SORCS3: variants seen among roughly 807,000 people sequenced by gnomAD.
SORCS3 encodes the protein sortilin related VPS10 domain containing receptor 3.
Under a neutral mutation model 146.3 loss-of-function variants are expected in SORCS3, and 57 were observed. The observed-to-expected ratio is 0.39, with a 90% confidence interval of 0.31 to 0.49. The LOEUF (loss-of-function observed/expected upper bound fraction) is 0.49. SORCS3 is among the 20% of genes least tolerant of loss of function. The pLI is 0.92. For synonymous variants in SORCS3, 653 were observed against 618.5 expected (o/e 1.06, Z -0.83); for missense variants, 1,341 against 1,575.5 (o/e 0.85, Z 2.52).
chr10:104,824,714 C>T (rs1564692029), intron 1 of SORCS3, among the ~76,000 whole-genome samples: 1 of 152,218 alleles, frequency 6.6e-6, no homozygotes, highest in Non-Finnish European at 1.5e-5. Context: ...CCTTTGCCCT[C>T]ATCCGAAGCA....
At chr10:104,828,296 A>G (rs1300875456) in intron 1 of SORCS3, among the ~76,000 whole-genome samples, 1 of 152,128 alleles carries the variant, frequency 6.6e-6, no homozygotes, top group Admixed American at 6.6e-5. Flanking sequence ...CTTAGAGGCC[A>G]TTGTAGGGTT....
chr10:105,007,639 T>G (rs1014244336), intron 4 of SORCS3, among the ~76,000 whole-genome samples: 1 of 152,070 alleles, frequency 6.6e-6, no homozygotes, highest in Non-Finnish European at 1.5e-5. Context: ...GACCGTTTTT[T>G]CTGAACCCCC....
At chr10:104,923,809 A>G (rs2019111417) in intron 3 of SORCS3, among the ~76,000 whole-genome samples, 1 of 152,214 alleles carries the variant, frequency 6.6e-6, no homozygotes, top group Admixed American at 6.5e-5. Flanking sequence ...GTTAAGGAGC[A>G]AAGAAGTCTC....
intron 3 of SORCS3, among the ~76,000 whole-genome samples, chr10:104,940,167 G>T (rs1185070263): frequency 7.4e-6 from 1 of 134,596 alleles, no homozygotes; most frequent in Non-Finnish European, 1.6e-5. Flanking sequence ...AAAGGGGCAG[G>T]AAATTTCCAG....
intron 7 of SORCS3, among the ~76,000 whole-genome samples, chr10:105,123,753 A>T (rs1212097663): frequency 6.6e-6 from 1 of 152,118 alleles, no homozygotes; most frequent in Non-Finnish European, 1.5e-5. Context: ...AATAGGAGGG[A>T]GGGCACTTCA....
At chr10:104,706,890 C>T (rs770876385) in intron 1 of SORCS3, among the ~76,000 whole-genome samples, 6 of 152,028 alleles carry the variant, frequency 3.9e-5, no homozygotes, top group Non-Finnish European at 7.4e-5. Flanking sequence ...TTCTTTTAAA[C>T]GTAAGTGTGG....
At chr10:105,044,517 G>A (rs1008651000) in intron 5 of SORCS3, among the ~76,000 whole-genome samples, 3 of 152,068 alleles carry the variant, frequency 2.0e-5, no homozygotes, top group Admixed American at 6.6e-5. Context: ...ACACAACTTA[G>A]GGATGTGCTG....
At chr10:105,132,316 GTAA>G (rs1214992890) in intron 7 of SORCS3, among the ~76,000 whole-genome samples, 1 of 152,072 alleles carries the variant, frequency 6.6e-6, no homozygotes, top group Non-Finnish European at 1.5e-5. Context: ...AATAATGATA[GTAA>G]TAATAATTAT....
At chr10:104,915,554 A>C (rs1320532043) in intron 2 of SORCS3, among the ~76,000 whole-genome samples, 2 of 152,174 alleles carry the variant, frequency 1.3e-5, no homozygotes, top group Admixed American at 6.5e-5. Context: ...CATGAGAGTC[A>C]GGCCGTCTCC....
At chr10:105,015,671 T>C (rs1257637055) in intron 4 of SORCS3, among the ~76,000 whole-genome samples, 1 of 152,106 alleles carries the variant, frequency 6.6e-6, no homozygotes, top group Non-Finnish European at 1.5e-5. Flanking sequence ...TACTCACCTT[T>C]TGGGTTCAGG....
chr10:105,128,366 C>T (rs1031210632), intron 7 of SORCS3, among the ~76,000 whole-genome samples: 7 of 152,124 alleles, frequency 4.6e-5, no homozygotes, highest in Admixed American at 1.3e-4. Context: ...ACTCATGAGA[C>T]ATGCAAATCC....
rs200475238 is a variant in SORCS3 at position 104,883,985 on chromosome 10, GA to G, written c.696-31845del. Among the ~76,000 whole-genome samples the G allele has an allele frequency of 7.3e-5, 11 of 150,718 alleles. No homozygotes were observed. The South Asian group carries it at 1.0e-3, about 14-fold the overall frequency. ...TGTTCTGCTGTGGAATGAGGGGGGG[GA>G]AAGGGTCCTACCCTATCTGTTGAGA... On this transcript the variant is annotated intron_variant, in intron 2 of 26. Transcript: ENST00000369701.
intron 1 of SORCS3, among the ~76,000 whole-genome samples, chr10:104,663,278 A>C (rs2015725806): frequency 6.6e-6 from 1 of 152,204 alleles, no homozygotes; most frequent in African/African-American, 2.4e-5. Flanking sequence ...ACTGCTGTCT[A>C]TCGCCTTTCA....
At chr10:104,993,526 A>G (rs755505715) in intron 4 of SORCS3, among the ~76,000 whole-genome samples, 4 of 152,204 alleles carry the variant, frequency 2.6e-5, no homozygotes, top group Non-Finnish European at 4.4e-5. Context: ...AAGATACGTT[A>G]GCTTTTATTT....
intron 4 of SORCS3, among the ~76,000 whole-genome samples, chr10:104,978,453 C>T (rs2054914702): frequency 6.6e-6 from 1 of 152,216 alleles, no homozygotes; most frequent in East Asian, 1.9e-4. Context: ...AACCTCTCAA[C>T]TCAATGTATT....
At position 105,004,056 on chromosome 10, in the gene SORCS3, G is replaced by T. The variant is rs577448658; in HGVS notation, c.954+26563G>T. 3.9e-4 allele frequency among the ~76,000 whole-genome samples: 56 copies of T among 142,672 alleles called. 1 individual carries two copies. Among genetic ancestry groups the T allele is most frequent in the African/African-American group, 1.5e-3 (55 of 36,976 alleles). The allele number at this position is 142,672 out of a possible 152,430, so 93.6% of individuals were successfully genotyped here. ...GATGATTTCAGGGCAGTTATGGGAA[G>T]TTTCTCAGGTGTGATAAAAGTTCTC... On this transcript the variant is annotated intron_variant, in intron 4 of 26. Coordinates refer to ENST00000369701, the MANE Select transcript of SORCS3 (RefSeq NM_014978.3).
At chr10:104,884,794 G>A (rs1357417954) in intron 2 of SORCS3, among the ~76,000 whole-genome samples, 1 of 151,476 alleles carries the variant, frequency 6.6e-6, no homozygotes, top group African/African-American at 2.4e-5. Flanking sequence ...AGAAAAGCAG[G>A]TACCCATCAG....
At chr10:104,746,390 C>T (rs7097609) in intron 1 of SORCS3, among the ~76,000 whole-genome samples, 7 of 152,184 alleles carry the variant, frequency 4.6e-5, no homozygotes, top group African/African-American at 1.7e-4. Context: ...CCCGCCTTGG[C>T]CTCCCAGAGT....
chr10:104,805,909 T>G (rs547070664), intron 1 of SORCS3, among the ~76,000 whole-genome samples: 1 of 152,288 alleles, frequency 6.6e-6, no homozygotes, highest in South Asian at 2.1e-4. Flanking sequence ...TTTTCTCTCT[T>G]GCGTGTGTAA....
Sources: gnomAD v4.1 joint callset for allele counts (sites outside exome capture counted in the v4.1 genomes callset) on GRCh38, gnomAD v4.1.1 for gene constraint, MANE v1.5 for transcripts, NCBI Gene and HGNC (gene_info 2026-07-23, HGNC 2026-07-21) for gene names.